The following RIMKLA variants were observed in gnomAD, a reference collection of about 807,000 sequenced individuals.
RIMKLA encodes ribosomal modification protein rimK like family member A, also known as N-acetylaspartylglutamate synthase A.
Under a neutral mutation model 32.7 loss-of-function variants are expected in RIMKLA, and 14 were observed. The ratio of observed to expected loss-of-function variants is 0.43; its 90% CI spans 0.28 to 0.67. RIMKLA has a LOEUF of 0.67. RIMKLA is among the 30% of genes least tolerant of loss of function. The pLI is 0.18. For missense variants in RIMKLA, 410 were observed against 519.0 expected, an observed-to-expected ratio of 0.79 and a Z score of 2.04; for synonymous variants, 176 against 204.1, an observed-to-expected ratio of 0.86 and a Z score of 1.18.
chr1:42,423,779 G>T lies in RIMKLA; in HGVS notation c.*8805G>T. 6.6e-6 allele frequency among the ~76,000 whole-genome samples: 1 copy of T among 152,216 alleles called. No homozygotes were observed. Among genetic ancestry groups the T allele is most frequent in the Non-Finnish European group, 1.5e-5 (1 of 68,038 alleles). The stretch of plus-strand genomic sequence containing the variant: ...CTTGTCTATCACGCTGGTATCCGCT[G>T]CTTTTCCTGCAGCTGCTGCTTTCAC... On this transcript the variant is annotated 3_prime_UTR_variant, in exon 5 of 5. Transcript: ENST00000431473.
chr1:42,406,583 A>G (rs1296025968), intron 3 of RIMKLA, among the ~76,000 whole-genome samples: 1 of 152,210 alleles, frequency 6.6e-6, no homozygotes, highest in East Asian at 1.9e-4. Context: ...TTGTGACTTA[A>G]TAATATGACT....
chr1:42,394,599 C>T (rs1643026766), intron 1 of RIMKLA, among the ~76,000 whole-genome samples: 1 of 152,242 alleles, frequency 6.6e-6, no homozygotes, highest in Non-Finnish European at 1.5e-5. Flanking sequence ...CTGCTTCCCT[C>T]TGTTGTTATG....
At chr1:42,382,222 A>G (rs1015568469) in intron 1 of RIMKLA, among the ~76,000 whole-genome samples, 1 of 152,200 alleles carries the variant, frequency 6.6e-6, no homozygotes, top group African/African-American at 2.4e-5. Context: ...GGAGAAATAT[A>G]CCATAAACAT....
chr1:42,422,931 A>G lies in RIMKLA; in HGVS notation c.*7957A>G, dbSNP rs1026499071. Among the ~76,000 whole-genome samples the G allele has an allele frequency of 3.3e-5, 5 of 151,362 alleles. No individual in the cohort carries two copies. Among genetic ancestry groups the G allele is most frequent in the Admixed American group, 1.3e-4 (2 of 15,114 alleles). ...ATTCAAATAGCAAGTGAGAGCTGAAAGCTGTTTAAAATGGCTGTGTGGTGC... is the reference window on the plus strand; with the variant it reads ...ATTCAAATAGCAAGTGAGAGCTGAAGGCTGTTTAAAATGGCTGTGTGGTGC... On this transcript the variant is annotated 3_prime_UTR_variant, in exon 5 of 5. Transcript: ENST00000431473.
At chr1:42,387,873 G>GAA (rs1427949017) in intron 1 of RIMKLA, among the ~76,000 whole-genome samples, 1 of 124,612 alleles carries the variant, frequency 8.0e-6, no homozygotes, top group Admixed American at 7.8e-5. Context: ...AGCTAAGCAA[G>GAA]AAAAAAAGAA....
chr1:42,381,997 A>G (rs1270255425), intron 1 of RIMKLA, among the ~76,000 whole-genome samples: 1 of 152,174 alleles, frequency 6.6e-6, no homozygotes, highest in Non-Finnish European at 1.5e-5. Context: ...ATCTTGGGAT[A>G]CTGTTCGCAT....
At position 42,380,881 on chromosome 1, in the gene RIMKLA, C is replaced by A; in HGVS notation, c.-54C>A. On this transcript the variant is annotated 5_prime_UTR_variant, in exon 1 of 5. Transcript: ENST00000431473. ...CCCTCCGCTCGCCCTACTGAGCGAGCGGCCCGGGGCGCCGAGGGGTCCGCG... is the reference window on the plus strand; with the variant it reads ...CCCTCCGCTCGCCCTACTGAGCGAGAGGCCCGGGGCGCCGAGGGGTCCGCG... The A allele has an allele frequency of 8.3e-7, 1 of 1,199,130 alleles. No individual in the cohort carries two copies. Among genetic ancestry groups the A allele is most frequent in the African/African-American group, 1.6e-5 (1 of 62,814 alleles). The allele number at this position is 1,199,130 out of a possible 1,614,324, so 74.3% of individuals were successfully genotyped here. A position where few individuals can be genotyped will look rare whatever the true frequency, so the allele number is the denominator to read the frequency against.
chr1:42,394,638 T>A (rs1197202687), intron 1 of RIMKLA, among the ~76,000 whole-genome samples: 7 of 152,238 alleles, frequency 4.6e-5, no homozygotes, highest in Admixed American at 3.3e-4. Context: ...GTTTTAGAAC[T>A]CTGCTTTCCA....
In RIMKLA at chr1:42,386,146, C is replaced by T. The variant is rs572361960; in HGVS notation, c.163+5049C>T. 4.6e-5 allele frequency among the ~76,000 whole-genome samples: 7 copies of T among 152,030 alleles called. No homozygotes were observed. In the South Asian group the frequency reaches 8.3e-4, roughly 18 times the overall value. On this transcript the variant is annotated intron_variant, in intron 1 of 4. Transcript: ENST00000431473. The stretch of plus-strand genomic sequence containing the variant: ...CCATGTTGGCCAGGCTGGTCTCAAA[C>T]TCCTGACCTCAGGTGATCTGCCCAC...
rs960844591 is a variant in RIMKLA, at chr1:42,423,573, A to G, written c.*8599A>G. Among the ~76,000 whole-genome samples, 1 of 152,234 alleles carries G rather than the reference A, an allele frequency of 6.6e-6. No individual in the cohort carries two copies. Among genetic ancestry groups the G allele is most frequent in the African/African-American group, 2.4e-5 (1 of 41,460 alleles). ...ACCCTCTTGACGGTGGCTCTGGCAG[A>G]AACCATGCTGCAGGGGCACAGGTGG... On this transcript the variant is annotated 3_prime_UTR_variant, in exon 5 of 5. Coordinates refer to ENST00000431473, the MANE Select transcript of RIMKLA (RefSeq NM_173642.4).
rs1488137417 is a variant in RIMKLA at position 42,404,495 on chromosome 1, C to T, written c.395-16C>T. 2.5e-6 allele frequency: 4 copies of T among 1,588,424 alleles called. No individual in the cohort carries two copies. The Admixed American group carries it at 5.0e-5, about 20-fold the overall frequency. On this transcript the variant is annotated splice_polypyrimidine_tract_variant and intron_variant, in intron 2 of 4. Coordinates refer to ENST00000431473, the MANE Select transcript of RIMKLA (RefSeq NM_173642.4). ...TATCAGCCTTACCTTCACTGACTTTCACCTTTTCTTGGCAGGTGGGCATGA... is the reference window on the plus strand; with the variant it reads ...TATCAGCCTTACCTTCACTGACTTTTACCTTTTCTTGGCAGGTGGGCATGA...
At position 42,415,193 on chromosome 1, in the gene RIMKLA, C is replaced by G; in HGVS notation, c.*219C>G. The G allele has an allele frequency of 1.9e-6, 1 of 540,446 alleles. No individual in the cohort carries two copies. The highest frequency in any genetic ancestry group is 2.5e-5 in the South Asian group (1 of 39,586). 33.5% of individuals were successfully genotyped at this position (540,446 alleles called of 1,614,324 possible). A position where few individuals can be genotyped will look rare whatever the true frequency, so the allele number is the denominator to read the frequency against. ...ACTCAAGAACAACGTCCCGACTGATCAGTATGAGACTGATGTCTGCTGTGA... is the reference window on the plus strand; with the variant it reads ...ACTCAAGAACAACGTCCCGACTGATGAGTATGAGACTGATGTCTGCTGTGA... On this transcript the variant is annotated 3_prime_UTR_variant, in exon 5 of 5. Transcript: ENST00000431473.
Position 42,415,091 on chromosome 1 carries a change from G to C in RIMKLA, c.*117G>C, listed in dbSNP as rs1156901403. On this transcript the variant is annotated 3_prime_UTR_variant, in exon 5 of 5. Coordinates refer to ENST00000431473, the MANE Select transcript of RIMKLA (RefSeq NM_173642.4). ...CACAGAAACTAGAAATCCCATCTGGGCACTCAGCATTTTTTCTAACGATGA... is the reference window on the plus strand; with the variant it reads ...CACAGAAACTAGAAATCCCATCTGGCCACTCAGCATTTTTTCTAACGATGA... The C allele has an allele frequency of 1.7e-6, 2 of 1,145,470 alleles. No individual in the cohort carries two copies. Among genetic ancestry groups the C allele is most frequent in the African/African-American group, 3.1e-5 (2 of 64,626 alleles). The allele number at this position is 1,145,470 out of a possible 1,614,324, so 71.0% of individuals were successfully genotyped here.
intron 1 of RIMKLA, among the ~76,000 whole-genome samples, chr1:42,389,759 A>C (rs1642984521): frequency 6.6e-6 from 1 of 152,086 alleles, no homozygotes; most frequent in Non-Finnish European, 1.5e-5. Flanking sequence ...GGTTACAGTG[A>C]GCAGAGATCG....
chr1:42,388,848 T>C (rs1052888248), intron 1 of RIMKLA, among the ~76,000 whole-genome samples: 3 of 152,156 alleles, frequency 2.0e-5, no homozygotes, highest in Admixed American at 2.0e-4. Context: ...AGAAATGATA[T>C]GATCTGCCTA....
At chr1:42,387,085 A>G (rs1268255211) in intron 1 of RIMKLA, among the ~76,000 whole-genome samples, 2 of 150,874 alleles carry the variant, frequency 1.3e-5, no homozygotes, top group Non-Finnish European at 2.9e-5. Context: ...AAATAAATAA[A>G]TAAATATTAG....
intron 1 of RIMKLA, among the ~76,000 whole-genome samples, chr1:42,385,942 G>C (rs1408102293): frequency 7.6e-6 from 1 of 131,964 alleles, no homozygotes; most frequent in Non-Finnish European, 1.5e-5. Flanking sequence ...TTCTTTTTGA[G>C]ATGGAGTCTC....
chr1:42,399,731 G>C, intron 2 of RIMKLA, 97 bp downstream of exon 2: 1 of 751,466 alleles, frequency 1.3e-6, no homozygotes, highest in Non-Finnish European at 2.2e-6. Context: ...ATGTGAGTCT[G>C]TTGATTCAAC....
At chr1:42,403,630 G>C (rs999787682) in intron 2 of RIMKLA, among the ~76,000 whole-genome samples, 7 of 152,166 alleles carry the variant, frequency 4.6e-5, no homozygotes, top group African/African-American at 1.7e-4. Context: ...TTTTGGGTGA[G>C]ACAAATCCCC....
Sources: gnomAD v4.1 joint callset for allele counts (sites outside exome capture counted in the v4.1 genomes callset) on GRCh38, gnomAD v4.1.1 for gene constraint, MANE v1.5 for transcripts, NCBI Gene and HGNC (gene_info 2026-07-23, HGNC 2026-07-21) for gene names.